OR6C6: variants seen among roughly 807,000 people sequenced by gnomAD.
OR6C6 encodes the protein olfactory receptor family 6 subfamily C member 6, also known as olfactory receptor 6C6.
For missense variants in OR6C6, 411 were observed against 366.8 expected (o/e 1.12, Z -0.98); for synonymous variants, 140 against 135.2 (o/e 1.04, Z -0.25).
At position 55,294,746 on chromosome 12, in the gene OR6C6, T is replaced by C. The variant is rs775116735; in HGVS notation, c.487A>G (p.Lys163Glu). 13 of 1,614,060 alleles carry C rather than the reference T, an allele frequency of 8.1e-6. No homozygotes were observed. In the East Asian group the frequency reaches 2.9e-4, roughly 36 times the overall value. The stretch of plus-strand genomic sequence containing the variant: ...GTTTTGGAAGCACAAAAATCCAGCT[T>C]GAGTCCCATGACCAATGGGGGAAAT... ...IIFPPLVMGL[K>E]LDFCASKTID... The change falls in exon 2 of 2, where the codon AAG (lysine) becomes GAG (glutamate). Residue 163 changes from lysine (K) to glutamate (E), a missense_variant. Coordinates refer to ENST00000358433, the MANE Select transcript of OR6C6 (RefSeq NM_001005493.2).
Position 55,295,065 on chromosome 12 carries a change from T to C in OR6C6, c.168A>G (p.Pro56=). 1 of 1,613,978 alleles carries C rather than the reference T, an allele frequency of 6.2e-7. No homozygotes were observed. The highest frequency in any genetic ancestry group is 8.5e-7 in the Non-Finnish European group (1 of 1,179,988). The change falls in exon 2 of 2, where the codon CCA becomes CCG. Residue 56 remains proline, a synonymous_variant. Coordinates refer to ENST00000358433, the MANE Select transcript of OR6C6 (RefSeq NM_001005493.2). ...LTLLDPRLKT[P]MYFFLRNFSF... ...AGAAATTACGGAGAAAGAAATACAT[T>C]GGCGTCTTGAGCCGGGGATCCAGCA...
Position 55,294,515 on chromosome 12 carries a change from T to C in OR6C6, c.718A>G (p.Thr240Ala). 2.5e-6 allele frequency: 4 copies of C among 1,613,590 alleles called. No individual in the cohort carries two copies. The highest frequency in any genetic ancestry group is 2.5e-6 in the Non-Finnish European group (3 of 1,179,594). Residue 240 changes from threonine (T) to alanine (A), a missense_variant, in exon 2 of 2, where the codon ACT becomes GCT. Transcript: ENST00000358433. ...QQRNKAFSTC[T>A]SHMIVVSMTY... ...ATGGAGACAACAATCATGTGGGAAG[T>C]ACAGGTGGAAAATGCTTTGTTCCTT...
chr12:55,294,495 G>T lies in OR6C6; in HGVS notation c.738C>A (p.Val246=), dbSNP rs1315431986. Residue 246 remains valine, a synonymous_variant, in exon 2 of 2, where the codon GTC becomes GTA. Transcript: ENST00000358433. ...AGATACAGCTACCGTATGTCATGGA[G>T]ACAACAATCATGTGGGAAGTACAGG... The part of the protein sequence containing the change: ...FSTCTSHMIV[V]SMTYGSCIFM... 1.9e-6 allele frequency: 3 copies of T among 1,613,568 alleles called. No homozygotes were observed. The highest frequency in any genetic ancestry group is 2.5e-6 in the Non-Finnish European group (3 of 1,179,562).
rs763786355 is a variant in OR6C6 at position 55,294,357 on chromosome 12, G to C, written c.876C>G (p.Asn292Lys). 1.2e-6 allele frequency: 2 copies of C among 1,613,412 alleles called. No individual in the cohort carries two copies. Among genetic ancestry groups the C allele is most frequent in the Non-Finnish European group, 1.7e-6 (2 of 1,179,424 alleles). The change falls in exon 2 of 2, where the codon AAC becomes AAG. Residue 292 changes from asparagine to lysine, a missense_variant. Asn to Lys is a moderately conservative substitution (Grantham distance 94). Coordinates refer to ENST00000358433, the MANE Select transcript of OR6C6 (RefSeq NM_001005493.2). ...CCCAGAAGACTTCTTTCACCTGCTG[G>C]TTTCTGAGAGTATAAATGAAGGGAT... The part of the protein sequence containing the change: ...LLNPFIYTLR[N>K]QQVKEVFWDV...
In OR6C6 at chr12:55,295,125, G is replaced by T; in HGVS notation, c.108C>A (p.Ser36Arg). The T allele has an allele frequency of 6.2e-7, 1 of 1,613,678 alleles. No individual in the cohort carries two copies. Among genetic ancestry groups the T allele is most frequent in the Non-Finnish European group, 8.5e-7 (1 of 1,179,740 alleles). ...FLFLFLNYTL[S>R]LMGNLIIIIL... is the part of the protein sequence containing the mutation. ...TGATGATGATTAAGTTCCCCATCAG[G>T]CTCAAGGTGTAGTTGAGAAATAGAA... is the stretch of plus-strand genomic sequence containing the variant. Residue 36 changes from serine (S) to arginine (R), a missense_variant, in exon 2 of 2, where the codon AGC (serine) becomes AGA (arginine). Physicochemically the swap from Ser to Arg is moderately radical, Grantham distance 110. Transcript: ENST00000358433.
chr12:55,294,506 T>C lies in OR6C6; in HGVS notation c.727A>G (p.Met243Val). The change falls in exon 2 of 2, where the codon ATG becomes GTG. Residue 243 changes from methionine (M) to valine (V), a missense_variant. By Grantham distance (21) the Met-to-Val change is conservative. Transcript: ENST00000358433. ...CCGTATGTCATGGAGACAACAATCATGTGGGAAGTACAGGTGGAAAATGCT... is the reference window on the plus strand; with the variant it reads ...CCGTATGTCATGGAGACAACAATCACGTGGGAAGTACAGGTGGAAAATGCT... ...NKAFSTCTSHMIVVSMTYGSC... is the reference protein window; with the variant it reads ...NKAFSTCTSHVIVVSMTYGSC... 1.2e-6 allele frequency: 2 copies of C among 1,613,690 alleles called. No individual in the cohort carries two copies. The highest frequency in any genetic ancestry group is 1.1e-5 in the South Asian group (1 of 91,070).
intron 1 of OR6C6, among the ~76,000 whole-genome samples, chr12:55,295,732 ATAGT>A (rs1219423347): frequency 1.3e-5 from 2 of 152,178 alleles, no homozygotes; most frequent in African/African-American, 2.4e-5. Context: ...GATGCAATAA[ATAGT>A]TAAAGATCCT....
Position 55,294,327 on chromosome 12 carries a change from T to C in OR6C6, c.906A>G (p.Val302=). ...NQQVKEVFWD[V]LQKNLCFSKR... Reference sequence around the variant, plus strand: ...TAGAAAAACACAAATTCTTTTGTAATACATCCCAGAAGACTTCTTTCACCT... The same window carrying C: ...TAGAAAAACACAAATTCTTTTGTAACACATCCCAGAAGACTTCTTTCACCT... The change falls in exon 2 of 2, where the codon GTA becomes GTG. Residue 302 remains valine, a synonymous_variant. Transcript: ENST00000358433. The C allele has an allele frequency of 6.2e-7, 1 of 1,606,412 alleles. No individual in the cohort carries two copies. Among genetic ancestry groups the C allele is most frequent in the Non-Finnish European group, 8.5e-7 (1 of 1,176,736 alleles).
rs1424825100 is a variant in OR6C6, at chr12:55,294,995, A to G, written c.238T>C (p.Leu80=). The G allele has an allele frequency of 6.2e-7, 1 of 1,613,482 alleles. No homozygotes were observed. Among genetic ancestry groups the G allele is most frequent in the South Asian group, 1.1e-5 (1 of 91,056 alleles). The stretch of plus-strand genomic sequence containing the variant: ...TTGTCTCTAGTCACAATGGTTATCA[A>G]GAATCTAGGAATACACACTGTTGTG... ...IFTTVCIPRF[L]ITIVTRDKTI... Residue 80 remains leucine, a synonymous_variant, in exon 2 of 2, where the codon TTG becomes CTG. Coordinates refer to ENST00000358433, the MANE Select transcript of OR6C6 (RefSeq NM_001005493.2).
At chr12:55,295,327 A>G (rs1868250819) in intron 1 of OR6C6, 70 bp from the exon 2 acceptor site, 3 of 631,170 alleles carry the variant, frequency 4.8e-6, no homozygotes, top group Non-Finnish European at 7.7e-6. Context: ...CAGAAAAAAT[A>G]TATCTTTTTA....
In OR6C6 at chr12:55,294,395, C is replaced by A. The variant is rs563512024; in HGVS notation, c.838G>T (p.Ala280Ser). ...TAAATGAAGGGATTTAGTAAAGGGG[C>A]AATTGAGGTATAGAGCAAAGCTACA... ...KGVALLYTSI[A>S]PLLNPFIYTL... The change falls in exon 2 of 2, where the codon GCC becomes TCC. Residue 280 changes from alanine (A) to serine (S), a missense_variant. Physicochemically the swap from Ala to Ser is moderately conservative, Grantham distance 99. Transcript: ENST00000358433. The A allele has an allele frequency of 3.5e-5, 57 of 1,612,836 alleles. 2 individuals are homozygous for A. In the East Asian group the frequency reaches 1.1e-3, roughly 30 times the overall value.
At chr12:55,295,404 G>T in intron 1 of OR6C6, 147 bp from the exon 2 acceptor site, 1 of 446,698 alleles carries the variant, frequency 2.2e-6, no homozygotes, top group Non-Finnish European at 3.9e-6. Context: ...ACATACCATA[G>T]GTGAATTCAA....
In OR6C6 at chr12:55,294,644, A is replaced by C; in HGVS notation, c.589T>G (p.Ser197Ala). The C allele has an allele frequency of 6.2e-7, 1 of 1,614,028 alleles. No homozygotes were observed. The highest frequency in any genetic ancestry group is 8.5e-7 in the Non-Finnish European group (1 of 1,179,904). The change falls in exon 2 of 2, where the codon TCT (serine) becomes GCT (alanine). Residue 197 changes from serine (S) to alanine (A), a missense_variant. Coordinates refer to ENST00000358433, the MANE Select transcript of OR6C6 (RefSeq NM_001005493.2). ...CTDTHVLELM[S>A]FTLAVVTLVV... ...AGTGTCACCACAGCTAAGGTAAAAG[A>C]CATCAATTCTAGGACATGGGTATCT...
In OR6C6 at chr12:55,296,413, T is replaced by G. The variant is rs1347634627; in HGVS notation, c.-120A>C. 6.6e-6 allele frequency: 1 copy of G among 152,008 alleles called. No homozygotes were observed. The highest frequency in any genetic ancestry group is 2.4e-5 in the African/African-American group (1 of 41,438). 9.4% of individuals were successfully genotyped at this position (152,008 alleles called of 1,614,324 possible). On this transcript the variant is annotated 5_prime_UTR_variant, in exon 1 of 2. Coordinates refer to ENST00000358433, the MANE Select transcript of OR6C6 (RefSeq NM_001005493.2). ...AATTCTACTCATTTTATGACCACAT[T>G]TTATTATCCAATAGGCACATTTATT...
intron 1 of OR6C6, 142 bp downstream of exon 1, chr12:55,296,177 T>C (rs1250662579): frequency 2.0e-5 from 3 of 151,986 alleles, no homozygotes; most frequent in South Asian, 2.1e-4. Context: ...CATTAGTATA[T>C]AACTATAAAA....
chr12:55,294,828 G>C lies in OR6C6; in HGVS notation c.405C>G (p.Ser135Arg). ...GTACAAGTTGGTAGCAGACTTTGCT[G>C]CTCATAATGATTGGATAATGCAGTG... ...CKPLHYPIIM[S>R]SKVCYQLVLS... The change falls in exon 2 of 2, where the codon AGC (serine) becomes AGG (arginine). Residue 135 changes from serine to arginine, a missense_variant. Coordinates refer to ENST00000358433, the MANE Select transcript of OR6C6 (RefSeq NM_001005493.2). 1.2e-6 allele frequency: 2 copies of C among 1,614,144 alleles called. No individual in the cohort carries two copies. The highest frequency in any genetic ancestry group is 1.7e-6 in the Non-Finnish European group (2 of 1,180,024).
rs774542436 is a variant in OR6C6, at chr12:55,294,420, A to C, written c.813T>G (p.Gly271=). Residue 271 remains glycine, a synonymous_variant, in exon 2 of 2, where the codon GGT becomes GGG. Transcript: ENST00000358433. ...SAKERVTVSK[G]VALLYTSIAP... ...CAATTGAGGTATAGAGCAAAGCTAC[A>C]CCTTTGGATACAGTCACTCTTTCTT... 1.2e-6 allele frequency: 2 copies of C among 1,613,366 alleles called. No individual in the cohort carries two copies. Among genetic ancestry groups the C allele is most frequent in the Non-Finnish European group, 1.7e-6 (2 of 1,179,352 alleles).
chr12:55,295,328 T>G, intron 1 of OR6C6, 71 bp from the exon 2 acceptor site: 2 of 630,852 alleles, frequency 3.2e-6, no homozygotes, highest in East Asian at 6.0e-5. Context: ...AGAAAAAATA[T>G]ATCTTTTTAA....
intron 1 of OR6C6, 41 bp from the exon 2 acceptor site, chr12:55,295,298 C>T (rs1202837357): frequency 7.1e-5 from 53 of 744,356 alleles, no homozygotes; most frequent in Non-Finnish European, 1.1e-4. Context: ...CATATATATA[C>T]ATATATGTAT....
Sources: allele counts gnomAD v4.1 joint callset (sites outside exome capture counted in the v4.1 genomes callset), GRCh38; gene constraint gnomAD v4.1.1; transcripts MANE v1.5; gene names NCBI Gene and HGNC (gene_info 2026-07-23, HGNC 2026-07-21).